MFHAS1: variants seen among roughly 807,000 people sequenced by gnomAD.
MFHAS1 encodes multifunctional ROCO family signaling regulator 1.
In MFHAS1, 50 loss-of-function variants were observed where a neutral mutation model predicts 70.4. That is an observed-to-expected ratio of 0.71 (90% CI 0.57 to 0.90). The LOEUF is 0.90. Among genes scored for constraint, MFHAS1 ranks in the 40% least tolerant of loss-of-function variants. The probability of loss-of-function intolerance (pLI) is 0.00; values close to 1 mark genes in which losing one functional copy is unlikely to be tolerated. For synonymous variants in MFHAS1, 952 were observed against 620.0 expected, an observed-to-expected ratio of 1.54 and a Z score of -7.96; for missense variants, 1,795 against 1,347.6, an observed-to-expected ratio of 1.33 and a Z score of -5.20.
At chr8:8,786,953 A>G (rs911815138) in intron 2 of MFHAS1, among the ~76,000 whole-genome samples, 13 of 152,172 alleles carry the variant, frequency 8.5e-5, no homozygotes, top group Non-Finnish European at 1.6e-4. Context: ...AAACAAAACA[A>G]AACAAAAAAA....
rs528208764 is a variant in MFHAS1, at chr8:8,867,825, G to A, written c.2998+22236C>T. On this transcript the variant is annotated intron_variant, in intron 1 of 2. Coordinates refer to ENST00000276282, the MANE Select transcript of MFHAS1 (RefSeq NM_004225.3). ...GCCCACCTCGGCCTCCCAAAGTGCT[G>A]GGATTACAGGCGTGAGCCACCGTGC... is the stretch of plus-strand genomic sequence containing the variant. Among the ~76,000 whole-genome samples the A allele has an allele frequency of 5.3e-5, 8 of 152,150 alleles. No individual in the cohort carries two copies. The South Asian group carries it at 1.5e-3, about 28-fold the overall frequency.
chr8:8,812,157 G>A (rs962194687), intron 1 of MFHAS1, among the ~76,000 whole-genome samples: 8 of 123,888 alleles, frequency 6.5e-5, no homozygotes, highest in African/African-American at 2.0e-4. Context: ...AGGATTACAT[G>A]GCTCGGAGAA....
At chr8:8,830,891 C>G (rs1807361449) in intron 1 of MFHAS1, among the ~76,000 whole-genome samples, 1 of 152,200 alleles carries the variant, frequency 6.6e-6, no homozygotes, top group Admixed American at 6.5e-5. Flanking sequence ...GCCACCGTGC[C>G]CAGCCAATAT....
intron 2 of MFHAS1, among the ~76,000 whole-genome samples, chr8:8,795,083 C>A (rs1450472223): frequency 6.6e-6 from 1 of 152,146 alleles, no homozygotes; most frequent in African/African-American, 2.4e-5. Flanking sequence ...ACAATAGGTT[C>A]ATGTCTCTCT....
At chr8:8,839,345 G>A (rs1483774946) in intron 1 of MFHAS1, among the ~76,000 whole-genome samples, 4 of 152,110 alleles carry the variant, frequency 2.6e-5, no homozygotes, top group Non-Finnish European at 5.9e-5. Context: ...TGAAGAAAAT[G>A]TGCTATCTAT....
chr8:8,885,246 C>A (rs536092003), intron 1 of MFHAS1, among the ~76,000 whole-genome samples: 6 of 152,278 alleles, frequency 3.9e-5, no homozygotes, highest in Admixed American at 2.0e-4. Flanking sequence ...GACAGTAAAG[C>A]TAAAGAAAGC....
chr8:8,797,348 G>A lies in MFHAS1; in HGVS notation c.3125+17C>T. On this transcript the variant is annotated intron_variant, in intron 2 of 2. Coordinates refer to ENST00000276282, the MANE Select transcript of MFHAS1 (RefSeq NM_004225.3). ...CAGGAGCCAGGTCCCGGGGCCAGAG[G>A]GACTTTGAGAACTCACTTGGAACAG... 1 of 1,612,438 alleles carries A rather than the reference G, an allele frequency of 6.2e-7. No individual in the cohort carries two copies. The highest frequency in any genetic ancestry group is 8.5e-7 in the Non-Finnish European group (1 of 1,178,692).
intron 2 of MFHAS1, among the ~76,000 whole-genome samples, chr8:8,789,712 A>G (rs1805664498): frequency 6.6e-6 from 1 of 152,116 alleles, no homozygotes. Context: ...AGAGATGGTA[A>G]AACAATTTGC....
At chr8:8,798,002 C>G (rs1014515993) in intron 1 of MFHAS1, among the ~76,000 whole-genome samples, 3 of 152,212 alleles carry the variant, frequency 2.0e-5, no homozygotes, top group Non-Finnish European at 4.4e-5. Context: ...ATCAGCCCAG[C>G]CTCCTCTGGG....
intron 1 of MFHAS1, among the ~76,000 whole-genome samples, chr8:8,813,159 AGTGAT>A (rs1430833190): frequency 6.6e-6 from 1 of 152,310 alleles, no homozygotes; most frequent in Admixed American, 6.5e-5. Context: ...CTTATCACCT[AGTGAT>A]GTCGTAGAGC....
chr8:8,870,341 T>C (rs1255157945), intron 1 of MFHAS1, among the ~76,000 whole-genome samples: 1 of 149,368 alleles, frequency 6.7e-6, no homozygotes, highest in Non-Finnish European at 1.5e-5. Flanking sequence ...GGCACGCACC[T>C]ACAGTCTCAG....
intron 1 of MFHAS1, among the ~76,000 whole-genome samples, chr8:8,800,699 G>C (rs1806056087): frequency 1.3e-5 from 2 of 152,198 alleles, no homozygotes; most frequent in African/African-American, 2.4e-5. Context: ...CCCAGGGCTT[G>C]AACACAGATG....
chr8:8,861,424 G>A (rs188508028), intron 1 of MFHAS1, among the ~76,000 whole-genome samples: 3 of 152,172 alleles, frequency 2.0e-5, no homozygotes, highest in East Asian at 1.9e-4. Context: ...TAGAAAATCT[G>A]GATATATCTC....
chr8:8,812,233 G>A (rs1305142817), intron 1 of MFHAS1, among the ~76,000 whole-genome samples: 3 of 152,154 alleles, frequency 2.0e-5, no homozygotes, highest in African/African-American at 4.8e-5. Flanking sequence ...CTTTGAGGGG[G>A]AAAGGGCAGA....
chr8:8,850,532 T>C (rs1345123741), intron 1 of MFHAS1, among the ~76,000 whole-genome samples: 1 of 152,120 alleles, frequency 6.6e-6, no homozygotes, highest in Non-Finnish European at 1.5e-5. Context: ...ACAGAGTTTA[T>C]TAGTAAATAT....
chr8:8,814,465 G>T (rs926620927), intron 1 of MFHAS1, among the ~76,000 whole-genome samples: 1 of 152,132 alleles, frequency 6.6e-6, no homozygotes, highest in African/African-American at 2.4e-5. Flanking sequence ...TGACACAAGC[G>T]CCCAAGGGTG....
chr8:8,812,572 G>C (rs4840362), intron 1 of MFHAS1, among the ~76,000 whole-genome samples: 65,786 of 151,968 alleles, frequency 0.43, 15,829 homozygotes, highest in East Asian at 0.78. Context: ...CATGGTCTTG[G>C]AAATCATTAC....
intron 1 of MFHAS1, among the ~76,000 whole-genome samples, chr8:8,861,124 T>A (rs1267283619): frequency 6.6e-6 from 1 of 152,206 alleles, no homozygotes; most frequent in Non-Finnish European, 1.5e-5. Flanking sequence ...TCAAGTAGAA[T>A]GCCTGAAAAG....
At chr8:8,804,720 T>A (rs150827867) in intron 1 of MFHAS1, among the ~76,000 whole-genome samples, 68 of 152,318 alleles carry the variant, frequency 4.5e-4, no homozygotes, top group African/African-American at 1.4e-3. Flanking sequence ...CACTCTTGAT[T>A]ACTTCTGCGA....
Sources: allele counts gnomAD v4.1 joint callset (sites outside exome capture counted in the v4.1 genomes callset), GRCh38; gene constraint gnomAD v4.1.1; transcripts MANE v1.5; gene names NCBI Gene and HGNC (gene_info 2026-07-23, HGNC 2026-07-21).